Variants in EFCAB8 observed in about 807,000 individuals in gnomAD.
The protein encoded by EFCAB8 is EF-hand calcium binding domain 8.
In EFCAB8, 100 loss-of-function variants were observed where a neutral mutation model predicts 116.3. That is an observed-to-expected ratio of 0.86 (90% confidence interval 0.73 to 1.02). The LOEUF is 1.02. Ranked by LOEUF, EFCAB8 falls within the 50% of genes least tolerant of loss-of-function variation. The pLI is 0.00. For missense variants in EFCAB8, 1,320 were observed against 1,416.9 expected, an observed-to-expected ratio of 0.93 and a Z score of 1.10; for synonymous variants, 558 against 567.9, an observed-to-expected ratio of 0.98 and a Z score of 0.25.
intron 11 of EFCAB8, among the ~76,000 whole-genome samples, chr20:32,904,087 C>G (rs940932009): frequency 6.6e-6 from 1 of 151,990 alleles, no homozygotes; most frequent in Non-Finnish European, 1.5e-5. Context: ...CTCAAACTCC[C>G]AGGCTCAAGT....
intron 12 of EFCAB8, 71 bp from the exon 13 acceptor site, chr20:32,906,772 C>T (rs2146236845): frequency 1.3e-6 from 1 of 798,732 alleles, no homozygotes; most frequent in East Asian, 2.7e-5. Flanking sequence ...CACTTCTGGG[C>T]ACCACCTTCA....
intron 25 of EFCAB8, 33 bp from the exon 26 acceptor site, chr20:32,960,030 C>T (rs796704056): frequency 8.4e-6 from 13 of 1,551,572 alleles, no homozygotes; most frequent in African/African-American, 8.2e-5. Flanking sequence ...ACCCCCAACT[C>T]GCAGCCTTCA....
At chr20:32,886,288 C>T (rs1287230750) in intron 6 of EFCAB8, among the ~76,000 whole-genome samples, 1 of 152,136 alleles carries the variant, frequency 6.6e-6, no homozygotes, top group Non-Finnish European at 1.5e-5. Flanking sequence ...GCAGCAAGTC[C>T]CTGCTGGATA....
intron 9 of EFCAB8, among the ~76,000 whole-genome samples, chr20:32,893,921 G>T (rs372872169): frequency 4.3e-4 from 66 of 152,290 alleles, no homozygotes; most frequent in African/African-American, 1.6e-3. Flanking sequence ...ACCTGTACAC[G>T]CCCCTGCCTG....
intron 11 of EFCAB8, 108 bp from the exon 12 acceptor site, chr20:32,906,454 C>T: frequency 1.4e-6 from 1 of 689,714 alleles, no homozygotes; most frequent in South Asian, 1.6e-5. Context: ...CTCCCTAGGC[C>T]TCCTGGGAGG....
intron 3 of EFCAB8, among the ~76,000 whole-genome samples, chr20:32,868,128 G>A (rs1160787821): frequency 2.0e-5 from 3 of 151,910 alleles, no homozygotes; most frequent in African/African-American, 7.3e-5. Flanking sequence ...TGTGATATGT[G>A]GTCCAGGCTC....
In EFCAB8 at chr20:32,930,599, T is replaced by C. The variant is rs1056450686; in HGVS notation, c.2614T>C (p.Cys872Arg). The change falls in exon 21 of 27, where the codon TGT becomes CGT. Residue 872 changes from cysteine to arginine, a missense_variant. By Grantham distance (180) the Cys-to-Arg change is radical. Coordinates refer to ENST00000400522, the MANE Select transcript of EFCAB8 (RefSeq NM_001143967.2). ...KNDWILITGD[C>R]KGYIKIWDIK... is the part of the protein sequence containing the mutation. ...TGACTGGATCCTCATCACGGGGGAT[T>C]GTAAAGGATACATCAAGGTGAGGAA... The C allele has an allele frequency of 9.0e-6, 14 of 1,552,190 alleles. No individual in the cohort carries two copies. The African/African-American group carries it at 1.9e-4, about 21-fold the overall frequency.
intron 23 of EFCAB8, among the ~76,000 whole-genome samples, chr20:32,945,659 G>A (rs1375234834): frequency 6.6e-6 from 1 of 151,676 alleles, no homozygotes; most frequent in Non-Finnish European, 1.5e-5. Flanking sequence ...TTTTTTTTGT[G>A]TGCCTTATAA....
In EFCAB8 at chr20:32,875,502, G is replaced by GTTTTTTTTTTTTTTTTTT. The variant is rs57620114; in HGVS notation, c.209-423_209-406dup. On this transcript the variant is annotated intron_variant, in intron 3 of 26. Coordinates refer to ENST00000400522, the MANE Select transcript of EFCAB8 (RefSeq NM_001143967.2). ...CTGAGCACACCTGGTAAACATGGTG[G>GTTTTTTTTTTTTTTTTTT]TTTTTTTTTTTTTTTTTTGAGACAG... Among the ~76,000 whole-genome samples, 282 of 89,856 alleles carry GTTTTTTTTTTTTTTTTTT rather than the reference G, an allele frequency of 3.1e-3. 48 individuals carry two copies. The highest frequency in any genetic ancestry group is 3.8e-3 in the Non-Finnish European group (146 of 38,720). The allele number at this position is 89,856 out of a possible 152,430, so 58.9% of individuals were successfully genotyped here.
intron 5 of EFCAB8, among the ~76,000 whole-genome samples, 165 bp downstream of exon 5, chr20:32,878,972 T>C (rs1349671419): frequency 5.9e-5 from 9 of 152,176 alleles, no homozygotes; most frequent in Non-Finnish European, 1.2e-4. Flanking sequence ...CTCACAGCCC[T>C]GTAAGTGTTA....
chr20:32,935,214 T>TTTTTTTTC (rs1988068312), intron 22 of EFCAB8, among the ~76,000 whole-genome samples: 1 of 136,086 alleles, frequency 7.3e-6, no homozygotes, highest in Non-Finnish European at 1.5e-5. Flanking sequence ...TTTTTTTTTT[T>TTTTTTTTC]TTTGAGATGG....
At chr20:32,871,753 C>T (rs886507056) in intron 3 of EFCAB8, among the ~76,000 whole-genome samples, 2 of 152,170 alleles carry the variant, frequency 1.3e-5, no homozygotes, top group African/African-American at 4.8e-5. Flanking sequence ...CCAACTGTCA[C>T]TGCGTGCCTT....
chr20:32,920,355 A>G, intron 20 of EFCAB8, 140 bp downstream of exon 20: 1 of 1,191,890 alleles, frequency 8.4e-7, no homozygotes. Flanking sequence ...CTTGGAGAGG[A>G]TGGAGACGCT....
chr20:32,870,988 A>G (rs1984656190), intron 3 of EFCAB8, among the ~76,000 whole-genome samples: 1 of 151,638 alleles, frequency 6.6e-6, no homozygotes. Flanking sequence ...CCTCCCGAGT[A>G]GCTGGGACTA....
At chr20:32,931,972 T>C (rs11700000) in intron 22 of EFCAB8, among the ~76,000 whole-genome samples, 6,458 of 152,214 alleles carry the variant, frequency 0.042, 172 homozygotes, top group Non-Finnish European at 0.067. Flanking sequence ...ATTGTTTTTG[T>C]TGGGGGAGTG....
At chr20:32,940,566 C>T (rs184888081) in intron 22 of EFCAB8, among the ~76,000 whole-genome samples, 1 of 149,654 alleles carries the variant, frequency 6.7e-6, no homozygotes, top group Non-Finnish European at 1.5e-5. Flanking sequence ...AAGAAAAAAA[C>T]AGATAAATTG....
At chr20:32,874,309 G>A (rs1984838945) in intron 3 of EFCAB8, among the ~76,000 whole-genome samples, 1 of 152,152 alleles carries the variant, frequency 6.6e-6, no homozygotes, top group Non-Finnish European at 1.5e-5. Flanking sequence ...TTCAGCCTCT[G>A]CCTCCCGGGT....
intron 22 of EFCAB8, among the ~76,000 whole-genome samples, chr20:32,936,795 G>T (rs1020246855): frequency 6.6e-6 from 1 of 152,068 alleles, no homozygotes; most frequent in African/African-American, 2.4e-5. Context: ...GCTAGCCAGG[G>T]TCTTTTATGA....
At chr20:32,892,932 C>T (rs1162588572) in intron 8 of EFCAB8, among the ~76,000 whole-genome samples, 3 of 151,658 alleles carry the variant, frequency 2.0e-5, no homozygotes, top group African/African-American at 4.9e-5. Context: ...CCTCCACCTG[C>T]CGGGTTCAAG....
Sources: allele counts gnomAD v4.1 joint callset (sites outside exome capture counted in the v4.1 genomes callset), GRCh38; gene constraint gnomAD v4.1.1; transcripts MANE v1.5; gene names NCBI Gene and HGNC (gene_info 2026-07-23, HGNC 2026-07-21).